Variants in RGS8 observed in about 807,000 individuals in gnomAD.
The protein encoded by RGS8 is regulator of G-protein signaling 8.
Under a neutral mutation model 21.7 loss-of-function variants are expected in RGS8, and 8 were observed. That is an observed-to-expected ratio of 0.37 (90% CI 0.22 to 0.66). RGS8 has a LOEUF of 0.66. Among genes scored for constraint, RGS8 ranks in the 30% least tolerant of loss-of-function variants. The pLI is 0.59. For synonymous variants in RGS8, 80 were observed against 83.6 expected (o/e 0.96, Z 0.24); for missense variants, 157 against 217.9 (o/e 0.72, Z 1.76).
chr1:182,676,839 C>T (rs543991203), upstream of RGS8, among the ~76,000 whole-genome samples: 1 of 152,204 alleles, frequency 6.6e-6, no homozygotes, highest in Non-Finnish European at 1.5e-5. Flanking sequence ...GCTCTGTGAC[C>T]ACCAACGAAC....
At chr1:182,646,661 T>A in exon 7 of RGS8, 3 of 1,349,598 alleles carry the variant, frequency 2.2e-6, no homozygotes, top group Non-Finnish European at 2.1e-6. Context: ...ACCTATGACA[T>A]TTCACATTAG....
chr1:182,674,309 A>G (rs1403279605), upstream of RGS8, among the ~76,000 whole-genome samples: 3 of 152,214 alleles, frequency 2.0e-5, no homozygotes, highest in Admixed American at 6.5e-5. Flanking sequence ...CTTTGGGAAA[A>G]TAATATAGTC....
At chr1:182,686,810 A>G (rs922691359), upstream of RGS8, among the ~76,000 whole-genome samples, 2 of 152,070 alleles carry the variant, frequency 1.3e-5, no homozygotes, top group African/African-American at 4.8e-5. Context: ...ACAGCAAGAG[A>G]AGAGGGGCTG....
At chr1:182,668,482 C>G (rs887563974) in intron 3 of RGS8, among the ~76,000 whole-genome samples, 5 of 152,160 alleles carry the variant, frequency 3.3e-5, no homozygotes, top group Non-Finnish European at 5.9e-5. Flanking sequence ...GATTTTCATC[C>G]CTGGTAATTG....
At chr1:182,709,090 C>A in the RGS8 span, among the ~76,000 whole-genome samples, 1 of 151,968 alleles carries the variant, frequency 6.6e-6, no homozygotes, top group South Asian at 2.1e-4. Flanking sequence ...TTTCTTTCTA[C>A]TTCTGTAGAT....
In RGS8 at chr1:182,657,978, C is replaced by A. The variant is rs189887534; in HGVS notation, c.193+7991G>T. Among the ~76,000 whole-genome samples the A allele has an allele frequency of 2.0e-3, 310 of 152,308 alleles. 3 individuals carry two copies. The highest frequency in any genetic ancestry group is 7.0e-3 in the African/African-American group (292 of 41,574). Reference sequence around the variant, plus strand: ...ATGACAGAAGGACCTGCTGTTTTGTCATTTCATTTTTATTTCACTTTGGTT... The same window carrying A: ...ATGACAGAAGGACCTGCTGTTTTGTAATTTCATTTTTATTTCACTTTGGTT... On this transcript the variant is annotated intron_variant, in intron 5 of 6. Coordinates refer to ENST00000483095, the Ensembl canonical transcript of RGS8.
chr1:182,688,876 C>T (rs896479867), upstream of RGS8, among the ~76,000 whole-genome samples: 2 of 152,020 alleles, frequency 1.3e-5, no homozygotes, highest in Admixed American at 6.6e-5. Context: ...CCCAAATGAG[C>T]GGGGAAACAG....
the RGS8 span, among the ~76,000 whole-genome samples, chr1:182,720,942 TATACATATATAC>T: frequency 7.5e-6 from 1 of 133,634 alleles, no homozygotes; most frequent in African/African-American, 2.9e-5. Context: ...TATACATATA[TATACATATATAC>T]ATACATATGT....
exon 4 of RGS8, chr1:182,666,888 G>T (rs773679021): frequency 1.2e-6 from 2 of 1,614,040 alleles, no homozygotes; most frequent in Non-Finnish European, 8.5e-7. Context: ...GCGCGGTTGG[G>T]TTTGTCTGGA....
chr1:182,675,145 T>C (rs570514453), upstream of RGS8, among the ~76,000 whole-genome samples: 16 of 152,296 alleles, frequency 1.1e-4, no homozygotes, highest in African/African-American at 3.8e-4. Flanking sequence ...CCATCCTCCA[T>C]TCCTGCTGGG....
the RGS8 span, among the ~76,000 whole-genome samples, chr1:182,752,149 G>A: frequency 6.6e-6 from 1 of 152,216 alleles, no homozygotes; most frequent in Non-Finnish European, 1.5e-5. Flanking sequence ...TCATGTCACA[G>A]TGTTAGTTTA....
At chr1:182,667,393 G>A (rs1268351028) in intron 3 of RGS8, among the ~76,000 whole-genome samples, 1 of 152,218 alleles carries the variant, frequency 6.6e-6, no homozygotes, top group Non-Finnish European at 1.5e-5. Context: ...ACCAACACCA[G>A]GAGCAGAGGG....
the RGS8 span, among the ~76,000 whole-genome samples, chr1:182,725,892 G>C: frequency 1.3e-5 from 2 of 152,158 alleles, no homozygotes; most frequent in Admixed American, 1.3e-4. Context: ...GTCACAAAAT[G>C]TTAATGTTAA....
At chr1:182,720,860 T>TAC in the RGS8 span, among the ~76,000 whole-genome samples, 1 of 148,290 alleles carries the variant, frequency 6.7e-6, no homozygotes, top group Non-Finnish European at 1.5e-5. Flanking sequence ...TACATATATA[T>TAC]ACATATATAC....
the RGS8 span, among the ~76,000 whole-genome samples, chr1:182,750,956 T>C: frequency 1.3e-5 from 2 of 152,364 alleles, 1 homozygote; most frequent in South Asian, 4.1e-4. Context: ...GATTTGGCTT[T>C]AAAATAAAGC....
chr1:182,643,336 C>CCCCCCCCCG (rs1453175422), downstream of RGS8: 3 of 136,080 alleles, frequency 2.2e-5, no homozygotes, highest in African/African-American at 9.0e-5. Context: ...CCCCCGCCCC[C>CCCCCCCCCG]GCGCTGTGTT....
chr1:182,670,673 T>C (rs1664113445), intron 2 of RGS8, among the ~76,000 whole-genome samples: 1 of 152,220 alleles, frequency 6.6e-6, no homozygotes, highest in African/African-American at 2.4e-5. Flanking sequence ...AAATTATTTT[T>C]ATATTACCGC....
At chr1:182,651,177 C>T (rs185369374) in intron 5 of RGS8, among the ~76,000 whole-genome samples, 158 of 152,296 alleles carry the variant, frequency 1.0e-3, no homozygotes, top group African/African-American at 3.4e-3. Context: ...GAGAATCATT[C>T]GTTCAATTCA....
chr1:182,742,725 C>T, the RGS8 span, among the ~76,000 whole-genome samples: 14 of 138,008 alleles, frequency 1.0e-4, no homozygotes, highest in African/African-American at 2.3e-4. Context: ...AGAGGGAGAC[C>T]GTGGAAAGAG....
Sources: allele counts gnomAD v4.1 joint callset (sites outside exome capture counted in the v4.1 genomes callset), GRCh38; gene constraint gnomAD v4.1.1; transcripts MANE v1.5; gene names NCBI Gene and HGNC (gene_info 2026-07-23, HGNC 2026-07-21).